Variants in SMOC1 observed in about 807,000 individuals in gnomAD.
SMOC1 encodes the protein SPARC related modular calcium binding 1.
A neutral mutation model predicts 56.3 loss-of-function variants in SMOC1; 22 were observed. That is an observed-to-expected ratio of 0.39 (90% CI 0.28 to 0.56). SMOC1 has a LOEUF of 0.56. Among genes scored for constraint, SMOC1 ranks in the 20% least tolerant of loss-of-function variants. The pLI is 0.61. For missense variants in SMOC1, 509 were observed against 565.4 expected (o/e 0.90, Z 1.01); for synonymous variants, 193 against 215.0 (o/e 0.90, Z 0.89).
At chr14:69,888,090 C>A (rs980607312) in intron 1 of SMOC1, among the ~76,000 whole-genome samples, 21 of 152,094 alleles carry the variant, frequency 1.4e-4, no homozygotes, top group Middle Eastern at 3.2e-3. Context: ...TGTGGAGGGC[C>A]CCCTCCTTCC....
chr14:69,995,796 A>G (rs1884742519), intron 7 of SMOC1, among the ~76,000 whole-genome samples: 1 of 152,208 alleles, frequency 6.6e-6, no homozygotes, highest in Non-Finnish European at 1.5e-5. Context: ...AATAACGGGA[A>G]TAGTAATGAT....
chr14:69,982,039 C>G (rs1276121289), intron 5 of SMOC1, among the ~76,000 whole-genome samples: 3 of 152,124 alleles, frequency 2.0e-5, no homozygotes, highest in Non-Finnish European at 4.4e-5. Context: ...TGGCAGTTCT[C>G]TGTGAGCTTT....
chr14:70,009,505 A>G (rs905640449), intron 7 of SMOC1, among the ~76,000 whole-genome samples: 8 of 152,248 alleles, frequency 5.3e-5, no homozygotes, highest in African/African-American at 9.6e-5. Context: ...ATGGTTCTCC[A>G]GGTTGCTGAT....
chr14:69,915,903 C>T (rs1044754138), intron 1 of SMOC1, among the ~76,000 whole-genome samples: 1 of 152,200 alleles, frequency 6.6e-6, no homozygotes, highest in African/African-American at 2.4e-5. Context: ...GGTATAGTTC[C>T]TCAGGGCTCA....
chr14:70,011,020 C>T (rs1310806341), intron 8 of SMOC1, 74 bp downstream of exon 8: 2 of 1,554,062 alleles, frequency 1.3e-6, no homozygotes, highest in East Asian at 2.3e-5. Context: ...TCCCAGTGTT[C>T]CTGCCCTGGT....
chr14:69,885,605 A>C, intron 1 of SMOC1: 1 of 1,521,234 alleles, frequency 6.6e-7, no homozygotes. Context: ...GCAGTAAGGG[A>C]CCCCCATTTT....
At chr14:70,019,441 G>A (rs954101771) in intron 10 of SMOC1, among the ~76,000 whole-genome samples, 1 of 152,242 alleles carries the variant, frequency 6.6e-6, no homozygotes, top group East Asian at 1.9e-4. Flanking sequence ...GAAGTCTGCA[G>A]TGTGGACAAG....
intron 1 of SMOC1, among the ~76,000 whole-genome samples, chr14:69,888,674 T>TC (rs930981588): frequency 3.3e-5 from 5 of 151,636 alleles, no homozygotes; most frequent in African/African-American, 7.3e-5. Context: ...CTGAAAGCCT[T>TC]TTTTTTTTCT....
At chr14:69,994,194 T>A in intron 6 of SMOC1, 2 of 647,230 alleles carry the variant, frequency 3.1e-6, no homozygotes. Context: ...CAGCACAGGA[T>A]GCCCTGATCG....
At chr14:69,972,770 C>G (rs1428016947) in intron 3 of SMOC1, among the ~76,000 whole-genome samples, 1 of 152,206 alleles carries the variant, frequency 6.6e-6, no homozygotes, top group Non-Finnish European at 1.5e-5. Flanking sequence ...TTGGGCTTAG[C>G]CTCTTACTCA....
intron 3 of SMOC1, among the ~76,000 whole-genome samples, chr14:69,968,313 G>A (rs1270757756): frequency 6.6e-6 from 1 of 152,178 alleles, no homozygotes; most frequent in East Asian, 1.9e-4. Context: ...CTCAATGAAT[G>A]CAGAAGCTCT....
At chr14:69,891,004 G>C (rs1364923460) in intron 1 of SMOC1, among the ~76,000 whole-genome samples, 5 of 152,210 alleles carry the variant, frequency 3.3e-5, no homozygotes, top group Admixed American at 2.6e-4. Flanking sequence ...ATAAATTAAA[G>C]TATATACAAA....
At position 70,011,570 on chromosome 14, in the gene SMOC1, G is replaced by A; in HGVS notation, c.940+3G>A. The A allele has an allele frequency of 3.1e-6, 5 of 1,613,900 alleles. No homozygotes were observed. The highest frequency in any genetic ancestry group is 4.2e-6 in the Non-Finnish European group (5 of 1,179,882). ...CTTCAAGGACAGGGAGCTACCAGGTGGGAGACGATGCTGCCCTGCCGGCGC... is the reference window on the plus strand; with the variant it reads ...CTTCAAGGACAGGGAGCTACCAGGTAGGAGACGATGCTGCCCTGCCGGCGC... On this transcript the variant is annotated splice_donor_region_variant and intron_variant, in intron 9 of 11. Coordinates refer to ENST00000361956, the MANE Select transcript of SMOC1 (RefSeq NM_001034852.3).
intron 5 of SMOC1, among the ~76,000 whole-genome samples, chr14:69,979,587 A>G (rs993989642): frequency 6.6e-6 from 1 of 151,970 alleles, no homozygotes; most frequent in Non-Finnish European, 1.5e-5. Context: ...CAAGTTTTCT[A>G]TTGCGTGTGT....
chr14:69,893,525 G>A (rs1884018407), intron 1 of SMOC1, among the ~76,000 whole-genome samples: 1 of 152,190 alleles, frequency 6.6e-6, no homozygotes, highest in African/African-American at 2.4e-5. Context: ...TTGGTTTCTG[G>A]TTGAAGTGGT....
chr14:70,022,998 G>T (rs1047337491), intron 10 of SMOC1, among the ~76,000 whole-genome samples: 2 of 152,222 alleles, frequency 1.3e-5, no homozygotes, highest in Non-Finnish European at 2.9e-5. Flanking sequence ...CACCTGGGGA[G>T]TCCTGAGAAA....
At chr14:69,915,778 A>G (rs1419234309) in intron 1 of SMOC1, among the ~76,000 whole-genome samples, 1 of 152,146 alleles carries the variant, frequency 6.6e-6, no homozygotes, top group African/African-American at 2.4e-5. Context: ...CACTGCCTCC[A>G]TCATGGGACA....
chr14:69,900,787 A>G (rs1379454633), intron 1 of SMOC1, among the ~76,000 whole-genome samples: 2 of 152,240 alleles, frequency 1.3e-5, no homozygotes, highest in Non-Finnish European at 2.9e-5. Context: ...TATTGCTAAA[A>G]CAAGGTGAAT....
intron 3 of SMOC1, among the ~76,000 whole-genome samples, chr14:69,961,515 G>A (rs1221688039): frequency 6.6e-6 from 1 of 151,282 alleles, no homozygotes; most frequent in Non-Finnish European, 1.5e-5. Context: ...TGAGTAGCTG[G>A]GACCACAGGT....
Sources: gnomAD v4.1 joint callset for allele counts (sites outside exome capture counted in the v4.1 genomes callset) on GRCh38, gnomAD v4.1.1 for gene constraint, MANE v1.5 for transcripts, NCBI Gene and HGNC (gene_info 2026-07-23, HGNC 2026-07-21) for gene names.